The following SKI variants were observed in gnomAD, a reference collection of about 807,000 sequenced individuals.
The protein encoded by SKI is ski oncogene.
In SKI, 23 loss-of-function variants were observed where a neutral mutation model predicts 59.3. The observed-to-expected ratio is 0.39, with a 90% CI of 0.28 to 0.55. The LOEUF is 0.55. SKI is among the 20% of genes least tolerant of loss of function. The probability of loss-of-function intolerance (pLI) is 0.67; values close to 1 mark genes in which losing one functional copy is unlikely to be tolerated. For missense variants in SKI, 1,017 were observed against 1,038.9 expected, an observed-to-expected ratio of 0.98 and a Z score of 0.29; for synonymous variants, 673 against 488.6, an observed-to-expected ratio of 1.38 and a Z score of -4.98.
intron 1 of SKI, among the ~76,000 whole-genome samples, chr1:2,230,585 C>A (rs1638612743): frequency 6.6e-6 from 1 of 152,148 alleles, no homozygotes; most frequent in African/African-American, 2.4e-5. Flanking sequence ...GGCTGCTGGC[C>A]TGGCTTTGTT....
intron 1 of SKI, among the ~76,000 whole-genome samples, chr1:2,278,066 C>T (rs1367140160): frequency 6.6e-6 from 1 of 152,240 alleles, no homozygotes; most frequent in Non-Finnish European, 1.5e-5. Context: ...TGGGTGCCTG[C>T]TTCGCCCTCG....
rs1012556766 is a variant in SKI, at chr1:2,254,427, A to G, written c.969+24692A>G. On this transcript the variant is annotated intron_variant, in intron 1 of 6. Transcript: ENST00000378536. Reference sequence around the variant, plus strand: ...CGTCCCAAACAGCCCTGAAATGGCAATGCCTCATCCTAGGATTACCGTCCC... The same window carrying G: ...CGTCCCAAACAGCCCTGAAATGGCAGTGCCTCATCCTAGGATTACCGTCCC... Among the ~76,000 whole-genome samples the G allele has an allele frequency of 2.6e-5, 4 of 152,278 alleles. No homozygotes were observed. In the South Asian group the frequency reaches 8.3e-4, roughly 32 times the overall value.
chr1:2,288,109 C>T (rs940970370), intron 1 of SKI, among the ~76,000 whole-genome samples: 1 of 152,208 alleles, frequency 6.6e-6, no homozygotes, highest in Non-Finnish European at 1.5e-5. Context: ...CTGCCTCAGC[C>T]TCCCAAGTAG....
intron 1 of SKI, among the ~76,000 whole-genome samples, chr1:2,302,594 G>A (rs1415072462): frequency 1.3e-5 from 2 of 148,586 alleles, no homozygotes; most frequent in Non-Finnish European, 3.0e-5. Flanking sequence ...CTAGGAAAGG[G>A]GTTTGGCAGG....
At chr1:2,288,323 C>T (rs759583803) in intron 1 of SKI, among the ~76,000 whole-genome samples, 1 of 152,198 alleles carries the variant, frequency 6.6e-6, no homozygotes, top group Non-Finnish European at 1.5e-5. Context: ...GGTTTCTCCA[C>T]ATGGGCCAGG....
At chr1:2,305,966 A>AG in intron 5 of SKI, 54 bp from the exon 6 acceptor site, 1 of 1,323,750 alleles carries the variant, frequency 7.6e-7, no homozygotes, top group Non-Finnish European at 1.1e-6. Flanking sequence ...GGTCATGGTG[A>AG]GGGGTGTGCT....
chr1:2,243,468 G>A (rs1366172228), intron 1 of SKI, among the ~76,000 whole-genome samples: 1 of 152,204 alleles, frequency 6.6e-6, no homozygotes, highest in Non-Finnish European at 1.5e-5. Context: ...TGTGCTCTCC[G>A]AGTGCCTGTC....
intron 1 of SKI, among the ~76,000 whole-genome samples, chr1:2,252,309 G>A (rs1179274932): frequency 6.6e-6 from 1 of 152,160 alleles, no homozygotes; most frequent in Admixed American, 6.5e-5. Context: ...GTTTGCTGTG[G>A]CCTGGCTCGA....
intron 5 of SKI, among the ~76,000 whole-genome samples, chr1:2,305,093 C>T (rs1474756953): frequency 6.6e-6 from 1 of 152,220 alleles, no homozygotes; most frequent in Non-Finnish European, 1.5e-5. Flanking sequence ...GCGGCTCCCG[C>T]CAGGCCTCCC....
intron 1 of SKI, among the ~76,000 whole-genome samples, chr1:2,293,179 G>T (rs904867040): frequency 6.6e-6 from 1 of 152,224 alleles, no homozygotes; most frequent in African/African-American, 2.4e-5. Flanking sequence ...GTTGGGGCAG[G>T]CCACTGTGCG....
chr1:2,262,785 C>T (rs896674331), intron 1 of SKI, among the ~76,000 whole-genome samples: 4 of 152,068 alleles, frequency 2.6e-5, no homozygotes, highest in East Asian at 1.9e-4. Context: ...TTTCAGGTTA[C>T]TAATGTGATG....
chr1:2,290,637 G>A (rs903921), intron 1 of SKI, among the ~76,000 whole-genome samples: 79,969 of 151,928 alleles, frequency 0.53, 22,684 homozygotes, highest in African/African-American at 0.75. Context: ...GGCAAGCGAT[G>A]CCTTCTGTGG....
rs556877974 is a variant in SKI at position 2,259,421 on chromosome 1, C to T, written c.969+29686C>T. Among the ~76,000 whole-genome samples, 5 of 152,254 alleles carry T rather than the reference C, an allele frequency of 3.3e-5. No homozygotes were observed. The South Asian group carries it at 6.2e-4, about 19-fold the overall frequency. ...CATCTCTGAGGTCAGCGACAGAAGCCGTGGTGGTTTCATGCCACCAGTTTA... is the reference window on the plus strand; with the variant it reads ...CATCTCTGAGGTCAGCGACAGAAGCTGTGGTGGTTTCATGCCACCAGTTTA... On this transcript the variant is annotated intron_variant, in intron 1 of 6. Coordinates refer to ENST00000378536, the MANE Select transcript of SKI (RefSeq NM_003036.4).
chr1:2,240,804 G>T (rs1638854479), intron 1 of SKI: 5 of 985,382 alleles, frequency 5.1e-6, no homozygotes, highest in Non-Finnish European at 4.8e-6. Flanking sequence ...TGAGAGGCGC[G>T]AGAAACCACA....
At position 2,306,022 on chromosome 1, in the gene SKI, G is replaced by A; in HGVS notation, c.1770G>A (p.Glu590=). 1 of 1,575,744 alleles carries A rather than the reference G, an allele frequency of 6.3e-7. No individual in the cohort carries two copies. Among genetic ancestry groups the A allele is most frequent in the Admixed American group, 1.9e-5 (1 of 52,994 alleles). ...ALQAKRSLHQ[E]LEFLRVAKKE... is the part of the protein sequence containing the mutation. ...CCCGAGCCGCCTCCGGCCCCCAGGAGCTGGAGTTCCTACGCGTGGCCAAGA... is the reference window on the plus strand; with the variant it reads ...CCCGAGCCGCCTCCGGCCCCCAGGAACTGGAGTTCCTACGCGTGGCCAAGA... Residue 590 remains glutamate (E), a splice_region_variant and synonymous_variant, in exon 6 of 7, where the codon GAG becomes GAA. Coordinates refer to ENST00000378536, the MANE Select transcript of SKI (RefSeq NM_003036.4).
intron 1 of SKI, among the ~76,000 whole-genome samples, chr1:2,236,782 G>T (rs968628539): frequency 8.5e-5 from 13 of 152,136 alleles, no homozygotes; most frequent in Non-Finnish European, 1.9e-4. Context: ...CATATTGAGG[G>T]CTGGGAAGTT....
In SKI at chr1:2,303,383, G is replaced by A. The variant is rs374138016; in HGVS notation, c.1194G>A (p.Pro398=). The change falls in exon 3 of 7, where the codon CCG becomes CCA. Residue 398 remains proline (P), a synonymous_variant. Transcript: ENST00000378536. The surrounding 1 kb of genome is among the most constrained non-coding windows in gnomAD (Gnocchi z 5.6). ...AGAAAGAGCTCTCCCCACACCTCCC[G>A]GCCCTCATCCGAGACAGGTGAGTGG... ...ASEKELSPHL[P]ALIRDSFYSY... 24 of 1,613,020 alleles carry A rather than the reference G, an allele frequency of 1.5e-5. No individual in the cohort carries two copies. Among genetic ancestry groups the A allele is most frequent in the African/African-American group, 1.2e-4 (9 of 74,926 alleles).
intron 1 of SKI, among the ~76,000 whole-genome samples, chr1:2,271,974 C>A (rs934542643): frequency 5.3e-5 from 8 of 152,202 alleles, no homozygotes; most frequent in Admixed American, 5.2e-4. Context: ...TGGCTGCTTT[C>A]TCGCAGCTGT....
In SKI at chr1:2,307,955, CTT is replaced by C. The variant is rs913335720; in HGVS notation, c.*1194_*1195del. On this transcript the variant is annotated 3_prime_UTR_variant, in exon 7 of 7. Coordinates refer to ENST00000378536, the MANE Select transcript of SKI (RefSeq NM_003036.4). Reference sequence around the variant, plus strand: ...TTGTACAGCAAATCCTGACTCGTGTCTTTTTACCCCCAAGATATCTGTCTTCA... The same window carrying C: ...TTGTACAGCAAATCCTGACTCGTGTCTTTACCCCCAAGATATCTGTCTTCA... 6.6e-6 allele frequency: 1 copy of C among 152,478 alleles called. No individual in the cohort carries two copies. Among genetic ancestry groups the C allele is most frequent in the Non-Finnish European group, 1.5e-5 (1 of 68,044 alleles). 9.4% of individuals were successfully genotyped at this position (152,478 alleles called of 1,614,324 possible).
Sources: gnomAD v4.1 joint callset for allele counts (sites outside exome capture counted in the v4.1 genomes callset) on GRCh38, gnomAD v4.1.1 for gene constraint, Gnocchi (gnomAD v3.1) non-coding constraint, MANE v1.5 for transcripts, NCBI Gene and HGNC (gene_info 2026-07-23, HGNC 2026-07-21) for gene names.